Variants in RSRP1 observed in about 807,000 individuals in gnomAD.
RSRP1 encodes the protein arginine/serine-rich protein 1.
In RSRP1, 37 loss-of-function variants were observed where a neutral mutation model predicts 33.0. The observed-to-expected ratio is 1.12, with a 90% CI of 0.86 to 1.48. RSRP1 has a LOEUF of 1.48. RSRP1 is among the 40% of genes most tolerant of loss of function. The pLI is 0.00. For missense variants in RSRP1, 402 were observed against 385.3 expected (o/e 1.04, Z -0.36); for synonymous variants, 167 against 158.7 (o/e 1.05, Z -0.40).
intron 1 of RSRP1, among the ~76,000 whole-genome samples, chr1:25,319,472 G>A (rs1644583168): frequency 7.6e-6 from 1 of 131,878 alleles, no homozygotes; most frequent in African/African-American, 2.6e-5. Flanking sequence ...TTAGCCAGGC[G>A]TGGTGGTACA....
Position 25,246,936 on chromosome 1 carries a change from G to C in RSRP1, c.28C>G (p.Pro10Ala), listed in dbSNP as rs1486077326. 6.3e-7 allele frequency: 1 copy of C among 1,587,260 alleles called. No homozygotes were observed. Among genetic ancestry groups the C allele is most frequent in the Non-Finnish European group, 8.6e-7 (1 of 1,163,602 alleles). Residue 10 changes from proline to alanine, a missense_variant, in exon 2 of 5, where the codon CCG becomes GCG. By Grantham distance (27) the Pro-to-Ala change is conservative (BLOSUM62 -1). Coordinates refer to ENST00000243189, the MANE Select transcript of RSRP1 (RefSeq NM_020317.5). ...GAATCCTTCTCCTGCGGCGAGCCCGGCCACATGTCGTTCACGTAGTTGGAC... is the reference window on the plus strand; with the variant it reads ...GAATCCTTCTCCTGCGGCGAGCCCGCCCACATGTCGTTCACGTAGTTGGAC... MSNYVNDMW[P>A]GSPQEKDSPS... is the part of the protein sequence containing the mutation.
At position 25,322,185 on chromosome 1, in the gene RSRP1, T is replaced by A. The variant is rs578103987; in HGVS notation, c.-67+15793A>T. Among the ~76,000 whole-genome samples, 2 of 131,508 alleles carry A rather than the reference T, an allele frequency of 1.5e-5. 1 individual carries two copies. The highest frequency in any genetic ancestry group is 3.6e-5 in the Non-Finnish European group (2 of 55,390). The allele number at this position is 131,508 out of a possible 152,430, so 86.3% of individuals were successfully genotyped here. On this transcript the variant is annotated intron_variant, in intron 1 of 1. Coordinates refer to the RSRP1 transcript ENST00000561867. Reference sequence around the variant, plus strand: ...GTCACCATTTCCCTGATACCTCAAATTCATTCAGAGTCAGGGATGAGACAG... The same window carrying A: ...GTCACCATTTCCCTGATACCTCAAAATCATTCAGAGTCAGGGATGAGACAG...
At chr1:25,303,242 C>G in intron 1 of RSRP1, 1 of 1,043,584 alleles carries the variant, frequency 9.6e-7, no homozygotes, top group Admixed American at 2.0e-5. Flanking sequence ...TTGCCTTGTT[C>G]CCAGCGTGCT....
chr1:25,260,059 G>T (rs1451938600), intron 1 of RSRP1, among the ~76,000 whole-genome samples: 1 of 152,136 alleles, frequency 6.6e-6, no homozygotes, highest in Non-Finnish European at 1.5e-5. Flanking sequence ...TGCCAAACAG[G>T]ATGTGGAAAA....
At chr1:25,254,884 G>C (rs1158998753) in intron 1 of RSRP1, among the ~76,000 whole-genome samples, 1 of 152,190 alleles carries the variant, frequency 6.6e-6, no homozygotes, top group Non-Finnish European at 1.5e-5. Context: ...CACTACAACG[G>C]AAGAACCGAT....
chr1:25,271,444 G>A (rs1640508438), intron 1 of RSRP1, among the ~76,000 whole-genome samples: 1 of 131,964 alleles, frequency 7.6e-6, no homozygotes, highest in African/African-American at 2.6e-5. Context: ...CCTGGCCCTG[G>A]CTTTATTCTC....
At chr1:25,309,734 C>A (rs1336628412) in intron 1 of RSRP1, among the ~76,000 whole-genome samples, 1 of 131,488 alleles carries the variant, frequency 7.6e-6, no homozygotes, top group East Asian at 2.0e-4. Context: ...ATTCTTGGTT[C>A]ACTTCCCTAA....
intron 1 of RSRP1, among the ~76,000 whole-genome samples, chr1:25,264,442 C>T (rs1380708016): frequency 6.7e-6 from 1 of 150,094 alleles, no homozygotes; most frequent in Admixed American, 6.7e-5. Context: ...GGGGCTTGCA[C>T]TCCCCGAAGC....
intron 1 of RSRP1, among the ~76,000 whole-genome samples, chr1:25,311,304 A>G (rs1244903808): frequency 7.6e-6 from 1 of 132,320 alleles, no homozygotes; most frequent in Non-Finnish European, 1.8e-5. Context: ...AGGGAATGAA[A>G]GAACATTTTC....
rs1459889097 is a variant in RSRP1 at position 25,246,710 on chromosome 1, C to T, written c.254G>A (p.Arg85Gln). ...GTAACGGCGGCTGCGGGATCGCGAC[C>T]GGCTCCGCGAGTATGACCGCGAGTA... ...RRYSRSYSRS[R>Q]SRSRSRRYRE... Residue 85 changes from arginine (R) to glutamine (Q), a missense_variant, in exon 2 of 5, where the codon CGG becomes CAG. Arg to Gln is a conservative substitution (Grantham distance 43, BLOSUM62 1). Coordinates refer to ENST00000243189, the MANE Select transcript of RSRP1 (RefSeq NM_020317.5). 1.2e-6 allele frequency: 2 copies of T among 1,607,264 alleles called. No homozygotes were observed. The highest frequency in any genetic ancestry group is 3.3e-5 in the Admixed American group (2 of 59,886).
upstream of RSRP1, among the ~76,000 whole-genome samples, chr1:25,250,080 T>A (rs939661451): frequency 6.6e-6 from 1 of 152,024 alleles, no homozygotes; most frequent in African/African-American, 2.4e-5. Flanking sequence ...AAGGTCTAAA[T>A]AGGGGAGGGG....
chr1:25,308,845 G>C (rs2478025), intron 1 of RSRP1, among the ~76,000 whole-genome samples: 33,482 of 129,642 alleles, frequency 0.26, 9,614 homozygotes, highest in Admixed American at 0.31. Flanking sequence ...GGCTTCACCA[G>C]TGGTGAAGCC....
At chr1:25,330,068 G>C (rs560638872) in intron 1 of RSRP1, 1 of 132,962 alleles carries the variant, frequency 7.5e-6, no homozygotes, top group Admixed American at 7.3e-5. Flanking sequence ...CCTGGTTGCA[G>C]GACAAACAGA....
chr1:25,296,308 G>T lies in RSRP1; in HGVS notation c.-67+41670C>A, dbSNP rs1169552459. Among the ~76,000 whole-genome samples the T allele has an allele frequency of 2.4e-5, 3 of 127,058 alleles. 1 individual carries two copies. Among genetic ancestry groups the T allele is most frequent in the Non-Finnish European group, 5.6e-5 (3 of 53,674 alleles). 83.4% of individuals were successfully genotyped at this position (127,058 alleles called of 152,430 possible). ...ATCACCCAGGCTGGAGTGCGGTGGT[G>T]TGATCTCGGCTCACTGCAACCTCCG... On this transcript the variant is annotated intron_variant, in intron 1 of 1. Transcript: ENST00000561867.
intron 1 of RSRP1, among the ~76,000 whole-genome samples, chr1:25,262,158 G>C (rs1268958493): frequency 6.6e-6 from 1 of 152,176 alleles, no homozygotes; most frequent in Non-Finnish European, 1.5e-5. Flanking sequence ...CTGTTATTAA[G>C]TAATCTGTAG....
chr1:25,243,724 T>G, intron 3 of RSRP1, 91 bp from the exon 4 acceptor site: 1 of 1,523,970 alleles, frequency 6.6e-7, no homozygotes, highest in South Asian at 1.2e-5. Flanking sequence ...TAAACAAAAT[T>G]TAGCTGTAGA....
At chr1:25,256,081 G>T (rs1235232809) in intron 1 of RSRP1, among the ~76,000 whole-genome samples, 2 of 151,080 alleles carry the variant, frequency 1.3e-5, no homozygotes, top group Non-Finnish European at 2.9e-5. Flanking sequence ...TTGTTCCCAT[G>T]TTCAGCAACT....
chr1:25,310,333 G>A (rs1571708909), intron 1 of RSRP1, among the ~76,000 whole-genome samples: 1 of 132,998 alleles, frequency 7.5e-6, no homozygotes, highest in African/African-American at 2.5e-5. Context: ...TGACTTATAA[G>A]AAGAGAAAGA....
intron 1 of RSRP1, chr1:25,329,094 G>A (rs2124186595): frequency 1.6e-6 from 2 of 1,276,148 alleles, no homozygotes; most frequent in East Asian, 2.3e-5. Flanking sequence ...ACTCTTTGAG[G>A]AGAATCTCAC....
Sources: allele counts gnomAD v4.1 joint callset (sites outside exome capture counted in the v4.1 genomes callset), GRCh38; gene constraint gnomAD v4.1.1; transcripts MANE v1.5; gene names NCBI Gene and HGNC (gene_info 2026-07-23, HGNC 2026-07-21).